Variants in SNX29 observed in about 807,000 individuals in gnomAD.
The protein encoded by SNX29 is sorting nexin 29.
A neutral mutation model predicts 102.1 loss-of-function variants in SNX29; 78 were observed. The ratio of observed to expected loss-of-function variants is 0.76; its 90% CI spans 0.64 to 0.92. SNX29 has a LOEUF of 0.92. Ranked by LOEUF, SNX29 falls within the 40% of genes least tolerant of loss-of-function variation. The pLI is 0.00. For synonymous variants in SNX29, 580 were observed against 414.5 expected (o/e 1.40, Z -4.85); for missense variants, 1,280 against 1,061.7 (o/e 1.21, Z -2.86).
chr16:12,466,363 A>G (rs946190494), intron 18 of SNX29, among the ~76,000 whole-genome samples: 2 of 152,256 alleles, frequency 1.3e-5, no homozygotes, highest in African/African-American at 2.4e-5. Context: ...TACACTAACA[A>G]TGAACCATCT....
chr16:12,417,734 A>T, intron 18 of SNX29, among the ~76,000 whole-genome samples: 1 of 146,190 alleles, frequency 6.8e-6, no homozygotes, highest in African/African-American at 2.5e-5. Flanking sequence ...CCTTCCTCCC[A>T]CTTCTTGTCT....
rs144179396 is a variant in SNX29 at position 12,561,609 on chromosome 16, C to T, written c.2319-6897C>T. On this transcript the variant is annotated intron_variant, in intron 20 of 20. Coordinates refer to ENST00000566228, the MANE Select transcript of SNX29 (RefSeq NM_032167.5). ...GCCGCATGCTGGTGACAGGACACAA[C>T]GCAGTGTACCCCAAGAGGCTTATTA... 3.9e-5 allele frequency among the ~76,000 whole-genome samples: 6 copies of T among 152,076 alleles called. 1 individual carries two copies. In the South Asian group the frequency reaches 6.3e-4, roughly 16 times the overall value.
intron 18 of SNX29, among the ~76,000 whole-genome samples, chr16:12,442,819 C>G (rs2085871032): frequency 6.6e-6 from 1 of 152,150 alleles, no homozygotes; most frequent in Non-Finnish European, 1.5e-5. Flanking sequence ...GTCTCCAACT[C>G]CTGGGCTCAA....
intron 20 of SNX29, among the ~76,000 whole-genome samples, chr16:12,551,577 A>G (rs1009791822): frequency 1.3e-5 from 2 of 152,220 alleles, no homozygotes; most frequent in Non-Finnish European, 2.9e-5. Flanking sequence ...CCTGCTTTCA[A>G]AAGGCTGGAA....
Position 12,518,023 on chromosome 16 carries a change from G to A in SNX29, c.2179-6679G>A, listed in dbSNP as rs141069825. On this transcript the variant is annotated intron_variant, in intron 19 of 20. Transcript: ENST00000566228. The stretch of plus-strand genomic sequence containing the variant: ...TGGGAGGTACTGGGGAGAAGGTGAC[G>A]TGAAGAGAGGTTAGCAAGGCGTGCT... 7.5e-4 allele frequency among the ~76,000 whole-genome samples: 114 copies of A among 152,282 alleles called. 1 individual carries two copies. Among genetic ancestry groups the A allele is most frequent in the African/African-American group, 2.6e-3 (108 of 41,546 alleles).
intron 4 of SNX29, chr16:12,029,565 G>A (rs2151126181): frequency 2.2e-6 from 1 of 451,214 alleles, no homozygotes; most frequent in East Asian, 7.0e-5. Flanking sequence ...GGCGTTTGAT[G>A]CATTTGATGG....
intron 8 of SNX29, among the ~76,000 whole-genome samples, chr16:12,059,511 T>C (rs1346107279): frequency 6.6e-6 from 1 of 152,230 alleles, no homozygotes. Context: ...TGATCTGTCT[T>C]GCAAAATTCT....
chr16:12,563,810 C>G (rs1304304528), intron 20 of SNX29, among the ~76,000 whole-genome samples: 2 of 152,196 alleles, frequency 1.3e-5, no homozygotes, highest in South Asian at 2.1e-4. Flanking sequence ...CACCCATTTG[C>G]TGCTTTTTAT....
chr16:12,226,445 A>G (rs944716966), intron 14 of SNX29, among the ~76,000 whole-genome samples: 3 of 152,106 alleles, frequency 2.0e-5, no homozygotes, highest in Non-Finnish European at 2.9e-5. Flanking sequence ...AAGAGAATCT[A>G]TAGACTGTAT....
At position 12,571,667 on chromosome 16, in the gene SNX29, T is replaced by TG. The variant is rs2079190558; in HGVS notation, c.*3041dup. On this transcript the variant is annotated 3_prime_UTR_variant, in exon 21 of 21. Coordinates refer to ENST00000566228, the MANE Select transcript of SNX29 (RefSeq NM_032167.5). ...AAAGACGACTCAGGAACGGTAGGGC[T>TG]GGGCAGAGGTGTCTCTCCTTGAGAG... 9.4e-7 allele frequency: 1 copy of TG among 1,059,138 alleles called. No individual in the cohort carries two copies. The highest frequency in any genetic ancestry group is 1.6e-5 in the African/African-American group (1 of 60,682). The allele number at this position is 1,059,138 out of a possible 1,614,324, so 65.6% of individuals were successfully genotyped here. A position where few individuals can be genotyped will look rare whatever the true frequency, so the allele number is the denominator to read the frequency against.
intron 13 of SNX29, among the ~76,000 whole-genome samples, chr16:12,131,844 T>C (rs2054481296): frequency 6.6e-6 from 1 of 152,238 alleles, no homozygotes; most frequent in Non-Finnish European, 1.5e-5. Flanking sequence ...TGATCCTATG[T>C]TGGATTTCCA....
intron 8 of SNX29, among the ~76,000 whole-genome samples, chr16:12,055,031 T>A (rs911478424): frequency 6.6e-6 from 1 of 152,154 alleles, no homozygotes; most frequent in South Asian, 2.1e-4. Context: ...AATGTTTTTG[T>A]ACCTGGCATC....
chr16:12,193,976 C>G (rs571564874), intron 13 of SNX29, among the ~76,000 whole-genome samples: 2 of 152,272 alleles, frequency 1.3e-5, no homozygotes, highest in African/African-American at 4.8e-5. Flanking sequence ...ATTTTAGTTT[C>G]TTTGTCTTTC....
intron 15 of SNX29, among the ~76,000 whole-genome samples, chr16:12,303,038 G>A (rs1305137658): frequency 6.6e-6 from 1 of 152,214 alleles, no homozygotes; most frequent in Admixed American, 6.5e-5. Flanking sequence ...TGTTCTTGAA[G>A]TAAGCTAGAT....
chr16:12,468,214 T>G (rs1212421397), intron 18 of SNX29, among the ~76,000 whole-genome samples: 3 of 143,720 alleles, frequency 2.1e-5, no homozygotes, highest in African/African-American at 8.1e-5. Context: ...TTTTACTGTT[T>G]CCCAGGCTGG....
chr16:12,420,780 C>T (rs892729547), intron 18 of SNX29, among the ~76,000 whole-genome samples: 5 of 152,134 alleles, frequency 3.3e-5, no homozygotes, highest in Non-Finnish European at 5.9e-5. Flanking sequence ...AAATGATGGA[C>T]GCATGAGTCA....
At chr16:12,169,240 G>T (rs2076087950) in intron 13 of SNX29, among the ~76,000 whole-genome samples, 1 of 152,228 alleles carries the variant, frequency 6.6e-6, no homozygotes, top group South Asian at 2.1e-4. Context: ...AAGCTTCAGG[G>T]AGGCTGTCCG....
intron 20 of SNX29, among the ~76,000 whole-genome samples, chr16:12,529,795 A>T (rs1389802445): frequency 1.3e-5 from 2 of 152,104 alleles, no homozygotes; most frequent in Admixed American, 6.6e-5. Flanking sequence ...GCGATGCCAC[A>T]CCCTGACCTG....
intron 3 of SNX29, among the ~76,000 whole-genome samples, chr16:12,016,090 C>T (rs2056839763): frequency 6.6e-6 from 1 of 151,960 alleles, no homozygotes; most frequent in South Asian, 2.1e-4. Flanking sequence ...GTCTCAAATT[C>T]CTGACCTCAA....
Sources: gnomAD v4.1 joint callset for allele counts (sites outside exome capture counted in the v4.1 genomes callset) on GRCh38, gnomAD v4.1.1 for gene constraint, MANE v1.5 for transcripts, NCBI Gene and HGNC (gene_info 2026-07-23, HGNC 2026-07-21) for gene names.